The following NUP153 variants were observed in gnomAD, a reference collection of about 807,000 sequenced individuals.
The protein encoded by NUP153 is nucleoporin 153.
Under a neutral mutation model 134.6 loss-of-function variants are expected in NUP153, and 27 were observed. The observed-to-expected ratio is 0.20, with a 90% CI of 0.15 to 0.28. The LOEUF is 0.28. NUP153 is among the 10% of genes least tolerant of loss of function. NUP153 has a pLI of 1.00. For missense variants in NUP153, 1,821 were observed against 1,731.3 expected (o/e 1.05, Z -0.92); for synonymous variants, 640 against 623.5 (o/e 1.03, Z -0.40).
intron 17 of NUP153, among the ~76,000 whole-genome samples, chr6:17,630,504 A>G (rs1470109625): frequency 6.6e-6 from 1 of 152,058 alleles, no homozygotes; most frequent in Non-Finnish European, 1.5e-5. Flanking sequence ...TACTAAAAAT[A>G]CAAAAAAAAT....
rs757803893 is a variant in NUP153, at chr6:17,629,226, G to A, written c.2973C>T (p.Asn991=). ...FKFGLSSGLS[N]PVSLTPFQFG... ...ATTGAAATGGAGTTAAAGAAACTGGGTTGCTTAAACCAGAAGAAAGTCCAA... is the reference window on the plus strand; with the variant it reads ...ATTGAAATGGAGTTAAAGAAACTGGATTGCTTAAACCAGAAGAAAGTCCAA... Residue 991 remains asparagine, a synonymous_variant, in exon 18 of 22, where the codon AAC becomes AAT. Transcript: ENST00000262077. The A allele has an allele frequency of 6.2e-7, 1 of 1,613,580 alleles. No individual in the cohort carries two copies. Among genetic ancestry groups the A allele is most frequent in the Non-Finnish European group, 8.5e-7 (1 of 1,179,834 alleles).
intron 18 of NUP153, among the ~76,000 whole-genome samples, 191 bp from the exon 19 acceptor site, chr6:17,626,355 T>C (rs1764949052): frequency 6.6e-6 from 1 of 152,232 alleles, no homozygotes; most frequent in South Asian, 2.1e-4. Flanking sequence ...ACATTCATCT[T>C]CTTTTATAGC....
chr6:17,655,541 C>G (rs1255590440), intron 11 of NUP153, among the ~76,000 whole-genome samples: 1 of 151,854 alleles, frequency 6.6e-6, no homozygotes, highest in African/African-American at 2.4e-5. Context: ...GCAACCTCCC[C>G]CTCCCAGGTT....
chr6:17,684,108 T>C (rs1768773794), intron 2 of NUP153, among the ~76,000 whole-genome samples: 1 of 152,172 alleles, frequency 6.6e-6, no homozygotes, highest in Non-Finnish European at 1.5e-5. Context: ...GAGTAAAACC[T>C]TGAGACCACA....
In NUP153 at chr6:17,669,526, C is replaced by T. The variant is rs748678065; in HGVS notation, c.873G>A (p.Met291Ile). The change falls in exon 6 of 22, where the codon ATG becomes ATA. Residue 291 changes from methionine (M) to isoleucine (I), a missense_variant. Transcript: ENST00000262077. ...TPYQAPVRRQ[M>I]KAKQLSAQSY... The stretch of plus-strand genomic sequence containing the variant: ...ATTGTGCACTGAGTTGCTTAGCTTT[C>T]ATTTGTCTTCTAACTGGTGCCTGTA... 1 of 1,613,134 alleles carries T rather than the reference C, an allele frequency of 6.2e-7. No individual in the cohort carries two copies. Among genetic ancestry groups the T allele is most frequent in the Admixed American group, 1.7e-5 (1 of 60,008 alleles).
At position 17,706,548 on chromosome 6, in the gene NUP153, G is replaced by A; in HGVS notation, c.-161C>T. 2 of 598,582 alleles carry A rather than the reference G, an allele frequency of 3.3e-6. No homozygotes were observed. The highest frequency in any genetic ancestry group is 3.0e-5 in the Admixed American group (1 of 33,182). The allele number at this position is 598,582 out of a possible 1,614,324, so 37.1% of individuals were successfully genotyped here. On this transcript the variant is annotated 5_prime_UTR_variant, in exon 1 of 22. Coordinates refer to ENST00000262077, the MANE Select transcript of NUP153 (RefSeq NM_005124.4). The surrounding 1 kb of genome is among the most constrained non-coding windows in gnomAD (Gnocchi z 5.9). ...AGCACCCCAGGAACCGCGAGGTTGC[G>A]AGCAGGAGCGGAGAGAGGGTGAGTG...
chr6:17,686,820 AAT>A (rs1213683403), intron 2 of NUP153, among the ~76,000 whole-genome samples: 2 of 148,256 alleles, frequency 1.3e-5, no homozygotes, highest in Non-Finnish European at 3.0e-5. Flanking sequence ...TAGGCGTGCG[AAT>A]AGAGTATAAA....
intron 11 of NUP153, among the ~76,000 whole-genome samples, chr6:17,658,789 A>T (rs1766993924): frequency 6.6e-6 from 1 of 152,136 alleles, no homozygotes; most frequent in Non-Finnish European, 1.5e-5. Context: ...ATGGGACAAA[A>T]AGTGGATTTT....
Position 17,706,567 on chromosome 6 carries a change from G to A in NUP153, c.-180C>T, listed in dbSNP as rs1770516850. On this transcript the variant is annotated 5_prime_UTR_variant, in exon 1 of 22. Transcript: ENST00000262077. The surrounding 1 kb of genome is among the most constrained non-coding windows in gnomAD (Gnocchi z 5.9). ...GGTTGCGAGCAGGAGCGGAGAGAGG[G>A]TGAGTGCTGGCAGCGGGGAAGGGGG... 4 of 588,390 alleles carry A rather than the reference G, an allele frequency of 6.8e-6. No homozygotes were observed. Among genetic ancestry groups the A allele is most frequent in the Non-Finnish European group, 3.0e-6 (1 of 333,992 alleles). 36.4% of individuals were successfully genotyped at this position (588,390 alleles called of 1,614,324 possible).
chr6:17,630,834 C>T (rs1042507572), intron 17 of NUP153, among the ~76,000 whole-genome samples: 62 of 151,658 alleles, frequency 4.1e-4, no homozygotes, highest in Non-Finnish European at 2.1e-4. Context: ...GAGAAGAGAG[C>T]AAGCATTATA....
At chr6:17,682,215 T>C (rs1249671791) in intron 2 of NUP153, among the ~76,000 whole-genome samples, 2 of 152,106 alleles carry the variant, frequency 1.3e-5, no homozygotes, top group Non-Finnish European at 2.9e-5. Flanking sequence ...AACAGCATTA[T>C]GACAATAAAA....
chr6:17,615,816 C>A lies in NUP153; in HGVS notation c.*281G>T. On this transcript the variant is annotated 3_prime_UTR_variant, in exon 22 of 22. Transcript: ENST00000262077. The surrounding 1 kb of genome is among the most constrained non-coding windows in gnomAD (Gnocchi z 5.7). ...AGCCATTCACCGTGCAGGCTCCATT[C>A]CTGGGTACAGCCAGACTATGTCAAA... 2 of 356,960 alleles carry A rather than the reference C, an allele frequency of 5.6e-6. No individual in the cohort carries two copies. The highest frequency in any genetic ancestry group is 1.0e-5 in the Non-Finnish European group (2 of 196,284). 22.1% of individuals were successfully genotyped at this position (356,960 alleles called of 1,614,324 possible).
intron 5 of NUP153, among the ~76,000 whole-genome samples, chr6:17,672,473 G>A (rs1158861133): frequency 1.3e-5 from 2 of 152,030 alleles, no homozygotes; most frequent in Non-Finnish European, 2.9e-5. Flanking sequence ...CTACTCAGGA[G>A]GCTAAAGTGG....
intron 5 of NUP153, among the ~76,000 whole-genome samples, chr6:17,670,044 C>T (rs997121238): frequency 2.0e-5 from 3 of 146,362 alleles, no homozygotes; most frequent in African/African-American, 7.7e-5. Flanking sequence ...TGTGGTGAGC[C>T]GAGACTGCAC....
chr6:17,632,615 T>TA, intron 17 of NUP153, 35 bp downstream of exon 17: 1 of 1,534,860 alleles, frequency 6.5e-7, no homozygotes, highest in Non-Finnish European at 8.8e-7. Flanking sequence ...AAAGGCGCTT[T>TA]ACCATCACCT....
Position 17,625,455 on chromosome 6 carries a change from G to C in NUP153, c.3901+353C>G, listed in dbSNP as rs192934278. Among the ~76,000 whole-genome samples the C allele has an allele frequency of 6.4e-4, 98 of 152,268 alleles. No homozygotes were observed. The highest frequency in any genetic ancestry group is 2.2e-3 in the African/African-American group (91 of 41,556). ...TGAGGCAGGAGAATTGCTTGAACTC[G>C]GGAGAGGCAGGTTGCAGTGAGCTGA... On this transcript the variant is annotated intron_variant, in intron 19 of 21. Coordinates refer to ENST00000262077, the MANE Select transcript of NUP153 (RefSeq NM_005124.4). The surrounding 1 kb of genome is among the most constrained non-coding windows in gnomAD (Gnocchi z 4.7).
At chr6:17,616,330 A>G in intron 21 of NUP153, 149 bp from the exon 22 acceptor site, 1 of 723,226 alleles carries the variant, frequency 1.4e-6, no homozygotes. Flanking sequence ...TGCTACACCT[A>G]ACACACACGC....
Position 17,706,300 on chromosome 6 carries a change from G to T in NUP153, c.88C>A (p.Gln30Lys). The T allele has an allele frequency of 6.2e-7, 1 of 1,613,596 alleles. No individual in the cohort carries two copies. The highest frequency in any genetic ancestry group is 2.2e-5 in the East Asian group (1 of 44,852). The part of the protein sequence containing the change: ...RCHQGPIKPY[Q>K]QGRQQHQGIL... The stretch of plus-strand genomic sequence containing the variant: ...ACCTGATGCTGTTGTCGCCCCTGCT[G>T]GTAAGGCTTAATTGGCCCCTGGTGG... The change falls in exon 1 of 22, where the codon CAG (glutamine) becomes AAG (lysine). Residue 30 changes from glutamine to lysine, a missense_variant. Gln to Lys is a moderately conservative substitution (Grantham distance 53, BLOSUM62 1). Coordinates refer to ENST00000262077, the MANE Select transcript of NUP153 (RefSeq NM_005124.4). The surrounding 1 kb of genome is among the most constrained non-coding windows in gnomAD (Gnocchi z 5.9).
chr6:17,619,712 C>G (rs1764547394), intron 20 of NUP153: 1 of 152,134 alleles, frequency 6.6e-6, no homozygotes, highest in African/African-American at 2.4e-5. Context: ...ATCAGAAGAA[C>G]TATTATTGTT....
Sources: allele counts gnomAD v4.1 joint callset (sites outside exome capture counted in the v4.1 genomes callset), GRCh38; gene constraint gnomAD v4.1.1; non-coding constraint Gnocchi (gnomAD v3.1); transcripts MANE v1.5; gene names NCBI Gene and HGNC (gene_info 2026-07-23, HGNC 2026-07-21).